The following JPT1 variants were observed in gnomAD, a reference collection of about 807,000 sequenced individuals.
JPT1 encodes androgen-regulated protein 2.
A neutral mutation model predicts 17.0 loss-of-function variants in JPT1; 5 were observed. That is an observed-to-expected ratio of 0.29 (90% CI 0.15 to 0.62). JPT1 has a LOEUF of 0.62. Among genes scored for constraint, JPT1 ranks in the 20% least tolerant of loss-of-function variants. The pLI, the probability that JPT1 is intolerant of heterozygous loss-of-function variation, is 0.85. For synonymous variants in JPT1, 71 were observed against 73.6 expected, an observed-to-expected ratio of 0.96 and a Z score of 0.18; for missense variants, 158 against 188.1, an observed-to-expected ratio of 0.84 and a Z score of 0.94.
intron 1 of JPT1, among the ~76,000 whole-genome samples, chr17:75,152,396 G>A (rs924166682): frequency 2.0e-5 from 3 of 151,952 alleles, no homozygotes; most frequent in Non-Finnish European, 4.4e-5. Context: ...GAGTTTATGG[G>A]GCCAGGAGAA....
chr17:75,141,242 T>C (rs1270965404), intron 4 of JPT1: 2 of 152,064 alleles, frequency 1.3e-5, no homozygotes, highest in Non-Finnish European at 2.9e-5. Flanking sequence ...GCACTCGTGG[T>C]TCAGGCAACA....
chr17:75,146,401 C>G (rs2074435697), intron 4 of JPT1: 1 of 332,978 alleles, frequency 3.0e-6, no homozygotes, highest in African/African-American at 2.2e-5. Flanking sequence ...AATCTGCCTG[C>G]CTCAGCCTCC....
At chr17:75,137,351 G>A (rs1293156651) in intron 4 of JPT1, among the ~76,000 whole-genome samples, 1 of 151,108 alleles carries the variant, frequency 6.6e-6, no homozygotes, top group Admixed American at 6.6e-5. Flanking sequence ...TTGTGGAGGG[G>A]TGGGGTGGCA....
At chr17:75,147,851 T>A in intron 2 of JPT1, 198 bp from the exon 3 acceptor site, 1 of 519,490 alleles carries the variant, frequency 1.9e-6, no homozygotes, top group East Asian at 3.3e-5. Flanking sequence ...ATATAAAAAT[T>A]GGCTGGACGT....
chr17:75,154,401 G>A lies in JPT1; in HGVS notation c.-4C>T. The stretch of plus-strand genomic sequence containing the variant: ...TGAAGGTGGTGGTTGTGGTCATGGC[G>A]CCGAGGAGCGAGGTAGGCTGGCGCC... On this transcript the variant is annotated 5_prime_UTR_variant, in exon 1 of 5. Coordinates refer to ENST00000409753, the MANE Select transcript of JPT1 (RefSeq NM_016185.4). The A allele has an allele frequency of 6.5e-7, 1 of 1,548,362 alleles. No individual in the cohort carries two copies. Among genetic ancestry groups the A allele is most frequent in the Non-Finnish European group, 8.7e-7 (1 of 1,145,764 alleles).
chr17:75,148,813 GAATC>G, intron 1 of JPT1, 142 bp from the exon 2 acceptor site: 1 of 1,022,492 alleles, frequency 9.8e-7, no homozygotes, highest in Non-Finnish European at 1.4e-6. Flanking sequence ...CAGGAAAAAA[GAATC>G]AACTCCATCA....
At chr17:75,139,683 GT>G (rs1489504354) in intron 4 of JPT1, among the ~76,000 whole-genome samples, 13 of 152,078 alleles carry the variant, frequency 8.5e-5, no homozygotes, top group African/African-American at 3.1e-4. Flanking sequence ...AGCTGGGCGT[GT>G]GTGCGCGCCT....
intron 1 of JPT1, among the ~76,000 whole-genome samples, chr17:75,151,524 C>G (rs1327112336): frequency 6.6e-6 from 1 of 152,020 alleles, no homozygotes; most frequent in Admixed American, 6.6e-5. Flanking sequence ...GGCGTGGTGG[C>G]ACATGCCTGT....
intron 3 of JPT1, 104 bp downstream of exon 3, chr17:75,147,452 A>G (rs2074461141): frequency 1.3e-6 from 1 of 773,720 alleles, no homozygotes; most frequent in Non-Finnish European, 2.3e-6. Flanking sequence ...CCCTTTCCTA[A>G]CTACCTCAAT....
chr17:75,142,550 A>G lies in JPT1; in HGVS notation c.316+4116T>C, dbSNP rs371268972. ...CTCCAGCCTGGACAACAAGAGCTAA[A>G]CTCCGTCAAGGGGGGAGGGGAGGGG... On this transcript the variant is annotated intron_variant, in intron 4 of 4. Coordinates refer to ENST00000409753, the MANE Select transcript of JPT1 (RefSeq NM_016185.4). Among the ~76,000 whole-genome samples, 40 of 136,608 alleles carry G rather than the reference A, an allele frequency of 2.9e-4. 1 individual carries two copies. The highest frequency in any genetic ancestry group is 1.1e-3 in the African/African-American group (39 of 37,056). The allele number at this position is 136,608 out of a possible 152,430, so 89.6% of individuals were successfully genotyped here. A position where few individuals can be genotyped will look rare whatever the true frequency, so the allele number is the denominator to read the frequency against.
chr17:75,153,832 A>T (rs1289150422), intron 1 of JPT1: 1 of 152,180 alleles, frequency 6.6e-6, no homozygotes, highest in East Asian at 1.9e-4. Flanking sequence ...GCCGGACCTG[A>T]TCGATCCGGT....
At chr17:75,145,373 A>C (rs2074406305) in intron 4 of JPT1, 1 of 152,208 alleles carries the variant, frequency 6.6e-6, no homozygotes, top group Non-Finnish European at 1.5e-5. Context: ...CTACTGCCTG[A>C]CACTTACAAA....
chr17:75,142,349 C>T (rs2074330291), intron 4 of JPT1, among the ~76,000 whole-genome samples: 1 of 151,066 alleles, frequency 6.6e-6, no homozygotes, highest in Non-Finnish European at 1.5e-5. Context: ...CACCTGAGGT[C>T]AGGAGTTCAA....
In JPT1 at chr17:75,135,920, C is replaced by G; in HGVS notation, c.*182G>C. 1.5e-6 allele frequency: 2 copies of G among 1,359,590 alleles called. No individual in the cohort carries two copies. Among genetic ancestry groups the G allele is most frequent in the Non-Finnish European group, 2.0e-6 (2 of 994,366 alleles). The allele number at this position is 1,359,590 out of a possible 1,614,324, so 84.2% of individuals were successfully genotyped here. A position where few individuals can be genotyped will look rare whatever the true frequency, so the allele number is the denominator to read the frequency against. Reference sequence around the variant, plus strand: ...TAGAAAACACTCATGCCATGGCCCACAGACCCAAGAGTCAAGGACAGAGAG... The same window carrying G: ...TAGAAAACACTCATGCCATGGCCCAGAGACCCAAGAGTCAAGGACAGAGAG... On this transcript the variant is annotated 3_prime_UTR_variant, in exon 5 of 5. Coordinates refer to ENST00000409753, the MANE Select transcript of JPT1 (RefSeq NM_016185.4).
intron 1 of JPT1, among the ~76,000 whole-genome samples, chr17:75,151,347 G>GATGATA (rs369037486): frequency 6.7e-6 from 1 of 150,152 alleles, no homozygotes; most frequent in Non-Finnish European, 1.5e-5. Flanking sequence ...AAATAATAAT[G>GATGATA]ATAATAATAA....
rs77321775 is a variant in JPT1, at chr17:75,135,975, A to T, written c.*127T>A. ...CTGTTCTTCAAAAGAAAAAAAAAAA[A>T]GACAGCAGTACATAAAGTGCTTCTT... On this transcript the variant is annotated 3_prime_UTR_variant, in exon 5 of 5. Coordinates refer to ENST00000409753, the MANE Select transcript of JPT1 (RefSeq NM_016185.4). 8 of 1,567,386 alleles carry T rather than the reference A, an allele frequency of 5.1e-6. No individual in the cohort carries two copies. The highest frequency in any genetic ancestry group is 1.2e-5 in the South Asian group (1 of 84,638).
intron 4 of JPT1, chr17:75,141,297 T>A (rs1252718502): frequency 6.6e-6 from 1 of 152,138 alleles, no homozygotes; most frequent in African/African-American, 2.4e-5. Flanking sequence ...TTGTGCCCCT[T>A]TTCATTTTAA....
At chr17:75,139,677 G>A (rs1219254525) in intron 4 of JPT1, among the ~76,000 whole-genome samples, 13 of 152,032 alleles carry the variant, frequency 8.6e-5, no homozygotes, top group African/African-American at 3.1e-4. Flanking sequence ...AAAATTAGCT[G>A]GGCGTGTGTG....
At chr17:75,150,847 C>CTTTTTTTTTTTTTTTTT (rs59267123) in intron 1 of JPT1, among the ~76,000 whole-genome samples, 11 of 65,960 alleles carry the variant, frequency 1.7e-4, no homozygotes, top group Non-Finnish European at 3.3e-4. Flanking sequence ...ATTTTTCTTT[C>CTTTTTTTTTTTTTTTTT]TTTTTTTTTT....
Sources: allele counts gnomAD v4.1 joint callset (sites outside exome capture counted in the v4.1 genomes callset), GRCh38; gene constraint gnomAD v4.1.1; transcripts MANE v1.5; gene names NCBI Gene and HGNC (gene_info 2026-07-23, HGNC 2026-07-21).